The following NOVA1 variants were observed in gnomAD, a reference collection of about 807,000 sequenced individuals.
NOVA1 encodes the protein NOVA alternative splicing regulator 1.
A neutral mutation model predicts 38.0 loss-of-function variants in NOVA1; 7 were observed. That is an observed-to-expected ratio of 0.18 (90% CI 0.10 to 0.35). The LOEUF is 0.35. Among genes scored for constraint, NOVA1 ranks in the 10% least tolerant of loss-of-function variants. NOVA1 has a pLI of 1.00. For missense variants in NOVA1, 460 were observed against 616.0 expected (o/e 0.75, Z 2.68); for synonymous variants, 270 against 232.5 (o/e 1.16, Z -1.47).
At chr14:26,566,633 A>T (rs1202909698) in intron 2 of NOVA1, among the ~76,000 whole-genome samples, 2 of 152,138 alleles carry the variant, frequency 1.3e-5, no homozygotes, top group African/African-American at 4.8e-5. Flanking sequence ...TAAATCCCAT[A>T]ATATGGCCAA....
At chr14:26,453,208 G>GTATTTATTTATT (rs1555314886) in intron 4 of NOVA1, among the ~76,000 whole-genome samples, 55 of 125,456 alleles carry the variant, frequency 4.4e-4, no homozygotes, top group African/African-American at 1.5e-3. Flanking sequence ...ATGTATGTAT[G>GTATTTATTTATT]TATTTATTTA....
At chr14:26,449,074 T>C in intron 4 of NOVA1, 111 bp from the exon 5 acceptor site, 2 of 1,008,808 alleles carry the variant, frequency 2.0e-6, no homozygotes, top group Non-Finnish European at 1.4e-6. Flanking sequence ...AAACATAATT[T>C]ATGAAACAGA....
In NOVA1 at chr14:26,446,072, A is replaced by G. The variant is rs751994334; in HGVS notation, c.*1887T>C. 1 of 152,574 alleles carries G rather than the reference A, an allele frequency of 6.6e-6. No homozygotes were observed. Among genetic ancestry groups the G allele is most frequent in the Non-Finnish European group, 1.5e-5 (1 of 68,028 alleles). The allele number at this position is 152,574 out of a possible 1,614,324, so 9.5% of individuals were successfully genotyped here. Reference sequence around the variant, plus strand: ...GCTTTTCTCTTTCATTTAAACAAGCATATCATTCCCTTTTAAAATCATTCT... The same window carrying G: ...GCTTTTCTCTTTCATTTAAACAAGCGTATCATTCCCTTTTAAAATCATTCT... On this transcript the variant is annotated 3_prime_UTR_variant, in exon 5 of 5. Transcript: ENST00000539517.
intron 4 of NOVA1, among the ~76,000 whole-genome samples, chr14:26,464,028 T>C (rs1278421044): frequency 2.0e-5 from 3 of 152,022 alleles, no homozygotes; most frequent in Non-Finnish European, 4.4e-5. Flanking sequence ...CATGGCAAAA[T>C]AAAAAAATGT....
At chr14:26,520,586 G>A (rs923051794) in intron 2 of NOVA1, among the ~76,000 whole-genome samples, 13 of 152,210 alleles carry the variant, frequency 8.5e-5, no homozygotes, top group African/African-American at 2.4e-4. Flanking sequence ...GCAGGACATC[G>A]CATTGCCGGA....
chr14:26,568,282 G>T (rs1160582718), intron 2 of NOVA1: 1 of 151,922 alleles, frequency 6.6e-6, no homozygotes, highest in Non-Finnish European at 1.5e-5. Context: ...ACACTACCCG[G>T]GAACTCAAGT....
intron 2 of NOVA1, among the ~76,000 whole-genome samples, chr14:26,507,385 A>G (rs1887720671): frequency 6.6e-6 from 1 of 152,314 alleles, no homozygotes; most frequent in Non-Finnish European, 1.5e-5. Context: ...GTTTCCTGCT[A>G]GCAGTCGATA....
chr14:26,578,241 A>G (rs77695291), intron 2 of NOVA1, among the ~76,000 whole-genome samples: 219 of 152,284 alleles, frequency 1.4e-3, no homozygotes, highest in African/African-American at 5.0e-3. Flanking sequence ...TAGCTTCAAA[A>G]GAGAAATGAA....
intron 2 of NOVA1, among the ~76,000 whole-genome samples, chr14:26,548,204 C>G (rs566616364): frequency 1.3e-5 from 2 of 151,860 alleles, no homozygotes; most frequent in African/African-American, 4.8e-5. Context: ...CACTTAAGCC[C>G]AAATATCTTG....
In NOVA1 at chr14:26,551,767, G is replaced by A. The variant is rs1383987781; in HGVS notation, c.280+43643C>T. Among the ~76,000 whole-genome samples the A allele has an allele frequency of 1.3e-5, 2 of 151,916 alleles. 1 individual carries two copies. The highest frequency in any genetic ancestry group is 4.2e-4 in the South Asian group (2 of 4,818). On this transcript the variant is annotated intron_variant, in intron 2 of 4. Transcript: ENST00000539517. ...GGATCACATTTTTTTAAAAAGTAAT[G>A]CACATAATACTTTTATTTGTATGTA...
At chr14:26,554,057 G>A (rs1891327175) in intron 2 of NOVA1, among the ~76,000 whole-genome samples, 1 of 151,506 alleles carries the variant, frequency 6.6e-6, no homozygotes, top group Non-Finnish European at 1.5e-5. Context: ...GCTGAGGCAG[G>A]TGAATTACTT....
chr14:26,456,970 C>CAT lies in NOVA1; in HGVS notation c.520-8008_520-8007insAT, dbSNP rs1320947331. Reference sequence around the variant, plus strand: ...ACACACACACACAAATATATACACACACACACACATATATATATATGTAGT... The same window carrying CAT: ...ACACACACACACAAATATATACACACATACACACACATATATATATATGTAGT... On this transcript the variant is annotated intron_variant, in intron 4 of 4. Transcript: ENST00000539517. Among the ~76,000 whole-genome samples, 30 of 146,928 alleles carry CAT rather than the reference C, an allele frequency of 2.0e-4. No homozygotes were observed. The East Asian group carries it at 5.8e-3, about 29-fold the overall frequency.
rs1007257148 is a variant in NOVA1 at position 26,479,593 on chromosome 14, A to G, written c.447+384T>C. 8 of 196,152 alleles carry G rather than the reference A, an allele frequency of 4.1e-5. 1 individual carries two copies. Among genetic ancestry groups the G allele is most frequent in the African/African-American group, 1.8e-4 (8 of 43,462 alleles). The allele number at this position is 196,152 out of a possible 1,614,324, so 12.2% of individuals were successfully genotyped here. A position where few individuals can be genotyped will look rare whatever the true frequency, so the allele number is the denominator to read the frequency against. ...GCATAATAACTATCCTGAAAACTAC[A>G]AATATCACTAAAAATAGGGTATTGG... On this transcript the variant is annotated intron_variant, in intron 3 of 4. Coordinates refer to ENST00000539517, the MANE Select transcript of NOVA1 (RefSeq NM_002515.3).
chr14:26,506,845 G>T (rs1442444451), intron 2 of NOVA1, among the ~76,000 whole-genome samples: 2 of 152,122 alleles, frequency 1.3e-5, no homozygotes, highest in Admixed American at 6.5e-5. Flanking sequence ...CTCCCAAAGT[G>T]CTGGGATTAC....
At chr14:26,512,081 T>C (rs951650309) in intron 2 of NOVA1, among the ~76,000 whole-genome samples, 6 of 152,146 alleles carry the variant, frequency 3.9e-5, no homozygotes, top group Non-Finnish European at 7.4e-5. Flanking sequence ...TTCTGGGAAA[T>C]ACTGCTATAT....
At chr14:26,517,451 A>G (rs1888550637) in intron 2 of NOVA1, among the ~76,000 whole-genome samples, 3 of 152,192 alleles carry the variant, frequency 2.0e-5, no homozygotes, top group Admixed American at 2.0e-4. Flanking sequence ...GTAAACTGAT[A>G]GAGGCAGGAA....
At chr14:26,553,558 A>C (rs1038618140) in intron 2 of NOVA1, among the ~76,000 whole-genome samples, 6 of 151,976 alleles carry the variant, frequency 3.9e-5, no homozygotes, top group Non-Finnish European at 8.8e-5. Flanking sequence ...TGCCTATTTG[A>C]AGAGAGGGAG....
At chr14:26,515,019 T>C (rs766863306) in intron 2 of NOVA1, among the ~76,000 whole-genome samples, 18 of 151,888 alleles carry the variant, frequency 1.2e-4, no homozygotes, top group Non-Finnish European at 2.5e-4. Context: ...TCTTATCCAC[T>C]ATATACTTAT....
chr14:26,517,853 T>C (rs995971853), intron 2 of NOVA1, among the ~76,000 whole-genome samples: 2 of 152,268 alleles, frequency 1.3e-5, no homozygotes, highest in African/African-American at 4.8e-5. Context: ...AACTATCAGT[T>C]TCCTCTTCCT....
Sources: allele counts gnomAD v4.1 joint callset (sites outside exome capture counted in the v4.1 genomes callset), GRCh38; gene constraint gnomAD v4.1.1; transcripts MANE v1.5; gene names NCBI Gene and HGNC (gene_info 2026-07-23, HGNC 2026-07-21).